Variants in CSGALNACT1 observed in about 807,000 individuals in gnomAD.
The protein encoded by CSGALNACT1 is beta4GalNAcT-1.
CSGALNACT1 carries 52 observed loss-of-function variants against 51.0 expected under a neutral mutation model. The ratio of observed to expected loss-of-function variants is 1.02; its 90% CI spans 0.82 to 1.29. The LOEUF (loss-of-function observed/expected upper bound fraction) is 1.29, where lower values mean the gene tolerates loss of function less well. CSGALNACT1 is among the 50% of genes most tolerant of loss of function. The pLI is 0.00. For missense variants in CSGALNACT1, 935 were observed against 679.2 expected (o/e 1.38, Z -4.19); for synonymous variants, 341 against 254.4 (o/e 1.34, Z -3.24).
chr8:19,420,448 C>T (rs773915596), exon 7 of CSGALNACT1: 3 of 1,614,212 alleles, frequency 1.9e-6, no homozygotes, highest in South Asian at 2.2e-5. Flanking sequence ...CGGGCTCCAA[C>T]ATCAAGTCCC....
chr8:19,710,439 G>A (rs1237346010), intron 1 of CSGALNACT1, among the ~76,000 whole-genome samples: 1 of 152,210 alleles, frequency 6.6e-6, no homozygotes, highest in Non-Finnish European at 1.5e-5. Context: ...TATGCTTGGT[G>A]ACACGAAACA....
At chr8:19,602,289 C>G (rs964433894) in exon 1 of CSGALNACT1, 1 of 156,570 alleles carries the variant, frequency 6.4e-6, no homozygotes, top group Non-Finnish European at 1.4e-5. Flanking sequence ...AGTGCTGCCC[C>G]CCTCTGCAAG....
chr8:19,565,539 C>G (rs1037703769), intron 3 of CSGALNACT1, among the ~76,000 whole-genome samples: 3 of 152,158 alleles, frequency 2.0e-5, no homozygotes, highest in African/African-American at 7.2e-5. Context: ...ACAAGAAGTT[C>G]AAAGGATAAA....
chr8:19,466,557 G>T (rs918144438), intron 4 of CSGALNACT1, among the ~76,000 whole-genome samples: 1 of 152,050 alleles, frequency 6.6e-6, no homozygotes, highest in African/African-American at 2.4e-5. Flanking sequence ...AGAAAATTCT[G>T]CTCAGATGGC....
intron 9 of CSGALNACT1, among the ~76,000 whole-genome samples, chr8:19,407,915 G>GTGGACATTTGTGTATATGAAT (rs2054650179): frequency 3.0e-5 from 2 of 66,842 alleles, no homozygotes; most frequent in African/African-American, 7.7e-5. Context: ...TTGTGTGTGT[G>GTGGACATTTGTGTATATGAAT]TGTGTGTGTG....
At chr8:19,468,480 T>C (rs919190121) in intron 4 of CSGALNACT1, among the ~76,000 whole-genome samples, 1 of 151,968 alleles carries the variant, frequency 6.6e-6, no homozygotes, top group East Asian at 1.9e-4. Context: ...CGTTTTAGCA[T>C]GGGAGAGGTG....
At chr8:19,521,737 A>G (rs964990131) in intron 3 of CSGALNACT1, among the ~76,000 whole-genome samples, 3 of 152,216 alleles carry the variant, frequency 2.0e-5, no homozygotes, top group African/African-American at 7.2e-5. Context: ...CTGCCACTGA[A>G]AAATAACACA....
chr8:19,540,571 A>G (rs761626025), intron 3 of CSGALNACT1, among the ~76,000 whole-genome samples: 3 of 152,218 alleles, frequency 2.0e-5, no homozygotes, highest in Non-Finnish European at 4.4e-5. Flanking sequence ...AGGAAAAGCA[A>G]CATAAGGAAA....
chr8:19,645,950 G>C (rs2057236376), intron 1 of CSGALNACT1, among the ~76,000 whole-genome samples: 1 of 152,130 alleles, frequency 6.6e-6, no homozygotes, highest in Non-Finnish European at 1.5e-5. Context: ...AATCCCACCA[G>C]AGAGCTAACA....
chr8:19,431,637 G>C (rs184771711), intron 6 of CSGALNACT1, among the ~76,000 whole-genome samples: 1 of 151,776 alleles, frequency 6.6e-6, no homozygotes, highest in Non-Finnish European at 1.5e-5. Context: ...TCCTTGTTCT[G>C]TCTTTGTCTG....
chr8:19,582,893 G>A (rs2045885959), intron 3 of CSGALNACT1, among the ~76,000 whole-genome samples: 2 of 152,042 alleles, frequency 1.3e-5, no homozygotes, highest in Admixed American at 1.3e-4. Context: ...CCAAATGACA[G>A]GCTCACTTGG....
At chr8:19,678,112 CA>C (rs1162072539) in intron 1 of CSGALNACT1, among the ~76,000 whole-genome samples, 3,672 of 145,542 alleles carry the variant, frequency 0.025, 138 homozygotes, top group African/African-American at 0.084. Flanking sequence ...CTCAAACAAA[CA>C]AAAAAAAAAA....
At chr8:19,497,455 T>TC (rs1191233627) in intron 4 of CSGALNACT1, among the ~76,000 whole-genome samples, 1 of 151,598 alleles carries the variant, frequency 6.6e-6, no homozygotes, top group Non-Finnish European at 1.5e-5. Context: ...ATCTCCTACC[T>TC]CCCCCGACCA....
intron 3 of CSGALNACT1, among the ~76,000 whole-genome samples, chr8:19,589,601 GA>G (rs1257928533): frequency 6.6e-6 from 1 of 152,152 alleles, no homozygotes; most frequent in African/African-American, 2.4e-5. Flanking sequence ...AAAGTGCTGG[GA>G]TTATAGGTGT....
intron 1 of CSGALNACT1, among the ~76,000 whole-genome samples, chr8:19,666,988 A>AAGG (rs2059351894): frequency 5.8e-5 from 1 of 17,304 alleles, no homozygotes; most frequent in Non-Finnish European, 1.1e-4. Context: ...AGAAAGAAAG[A>AAGG]AAGAAAGAAA....
intron 1 of CSGALNACT1, among the ~76,000 whole-genome samples, chr8:19,738,087 G>A (rs35192805): frequency 0.17 from 25,428 of 152,070 alleles, 2,244 homozygotes; most frequent in Middle Eastern, 0.31. Flanking sequence ...GTAGCCAGGC[G>A]CCATGGTTTG....
chr8:19,531,748 T>A (rs550087047), intron 3 of CSGALNACT1: 2 of 152,332 alleles, frequency 1.3e-5, no homozygotes, highest in East Asian at 3.9e-4. Flanking sequence ...GCAAGCAAAT[T>A]CAACTTGGCT....
At position 19,522,607 on chromosome 8, in the gene CSGALNACT1, G is replaced by A. The variant is rs552011147; in HGVS notation, c.-296-16477C>T. 5.3e-5 allele frequency among the ~76,000 whole-genome samples: 8 copies of A among 152,284 alleles called. No individual in the cohort carries two copies. The East Asian group carries it at 1.4e-3, about 26-fold the overall frequency. ...TAGATTCCATAGTTGTACACATGGG[G>A]CTGCAAGCAGCAGAAGCATTTTTCT... On this transcript the variant is annotated intron_variant, in intron 3 of 9. Coordinates refer to ENST00000454498, the Ensembl canonical transcript of CSGALNACT1.
intron 3 of CSGALNACT1, among the ~76,000 whole-genome samples, chr8:19,549,256 G>A (rs928912687): frequency 2.6e-5 from 4 of 151,692 alleles, no homozygotes; most frequent in African/African-American, 9.7e-5. Context: ...ACAATTTTTA[G>A]TAACAATAAT....
Sources: allele counts gnomAD v4.1 joint callset (sites outside exome capture counted in the v4.1 genomes callset), GRCh38; gene constraint gnomAD v4.1.1; transcripts MANE v1.5; gene names NCBI Gene and HGNC (gene_info 2026-07-23, HGNC 2026-07-21).